Variants in GPR19 observed in about 807,000 individuals in gnomAD.
GPR19 encodes the protein probable G protein-coupled receptor 19.
In GPR19, 14 loss-of-function variants were observed where a neutral mutation model predicts 28.5. The ratio of observed to expected loss-of-function variants is 0.49; its 90% CI spans 0.32 to 0.77. GPR19 has a LOEUF of 0.77. Ranked by LOEUF, GPR19 falls within the 30% of genes least tolerant of loss-of-function variation. The probability of loss-of-function intolerance (pLI) is 0.03; values close to 1 mark genes in which losing one functional copy is unlikely to be tolerated. For synonymous variants in GPR19, 173 were observed against 184.1 expected, an observed-to-expected ratio of 0.94 and a Z score of 0.49; for missense variants, 409 against 504.1, an observed-to-expected ratio of 0.81 and a Z score of 1.81.
At chr12:12,663,187 T>A (rs966101882) in intron 3 of GPR19, among the ~76,000 whole-genome samples, 1 of 152,254 alleles carries the variant, frequency 6.6e-6, no homozygotes, top group Non-Finnish European at 1.5e-5. Context: ...TTGATGCTAT[T>A]CTGTTGTTAT....
intron 2 of GPR19, among the ~76,000 whole-genome samples, chr12:12,692,056 T>C (rs1006813601): frequency 6.6e-6 from 1 of 152,234 alleles, no homozygotes; most frequent in African/African-American, 2.4e-5. Flanking sequence ...ACTTGTTTCC[T>C]TAGATCTTGC....
the GPR19 span, among the ~76,000 whole-genome samples, chr12:12,710,224 G>A: frequency 1.3e-5 from 2 of 152,038 alleles, no homozygotes; most frequent in South Asian, 2.1e-4. Flanking sequence ...CTGGTGGCGC[G>A]CACCTCTAAT....
the GPR19 span, among the ~76,000 whole-genome samples, chr12:12,710,548 C>T: frequency 2.0e-5 from 3 of 152,010 alleles, no homozygotes; most frequent in East Asian, 3.9e-4. Flanking sequence ...CTCTTTTGCC[C>T]TCTTTTTATT....
the GPR19 span, among the ~76,000 whole-genome samples, chr12:12,702,611 G>GT: frequency 2.4e-4 from 37 of 151,654 alleles, no homozygotes; most frequent in South Asian, 2.1e-4. Context: ...GTGCCTTCTC[G>GT]TTTTTTTTCT....
intron 3 of GPR19, among the ~76,000 whole-genome samples, chr12:12,664,919 C>CAAAAAAAAAAAAAAAAAA (rs746346681): frequency 3.2e-5 from 1 of 31,110 alleles, no homozygotes; most frequent in Admixed American, 5.5e-4. Flanking sequence ...GACGCCATCT[C>CAAAAAAAAAAAAAAAAAA]AAAAAAAAAA....
the GPR19 span, chr12:12,716,613 G>GTTTT: frequency 8.9e-6 from 2 of 224,988 alleles, no homozygotes; most frequent in South Asian, 1.6e-4. Context: ...AGAGTTTTTT[G>GTTTT]TTTTTTTTTT....
intron 2 of GPR19, among the ~76,000 whole-genome samples, chr12:12,687,546 A>G (rs550444773): frequency 6.6e-6 from 1 of 152,204 alleles, no homozygotes; most frequent in Admixed American, 6.5e-5. Flanking sequence ...CTTTTCTTCC[A>G]TCTTACACAG....
At chr12:12,700,160 T>TC (rs879586761), upstream of GPR19, among the ~76,000 whole-genome samples, 1,931 of 33,796 alleles carry the variant, frequency 0.057, 22 homozygotes, top group South Asian at 0.21. Flanking sequence ...TCTCTCTTTC[T>TC]TTCTCTCTCT....
At chr12:12,673,558 T>C (rs1486211821) in intron 3 of GPR19, among the ~76,000 whole-genome samples, 1 of 152,204 alleles carries the variant, frequency 6.6e-6, no homozygotes, top group Non-Finnish European at 1.5e-5. Context: ...GGGTCTGGTT[T>C]TAGATGGAGT....
At chr12:12,680,379 G>A (rs1304480555) in intron 3 of GPR19, among the ~76,000 whole-genome samples, 1 of 152,224 alleles carries the variant, frequency 6.6e-6, no homozygotes, top group African/African-American at 2.4e-5. Context: ...AAACATGACA[G>A]ACATGCAGTG....
At chr12:12,698,667 A>G (rs1031058417), upstream of GPR19, among the ~76,000 whole-genome samples, 2 of 151,192 alleles carry the variant, frequency 1.3e-5, no homozygotes, top group Admixed American at 6.6e-5. Context: ...CTAGAGTGCC[A>G]TGGCTTGATC....
At chr12:12,667,353 A>G (rs1945797643) in intron 3 of GPR19, among the ~76,000 whole-genome samples, 2 of 152,102 alleles carry the variant, frequency 1.3e-5, no homozygotes, top group Admixed American at 1.3e-4. Context: ...CCAAGCTTTA[A>G]GATTAATACA....
At chr12:12,716,831 C>A in the GPR19 span, 7 of 985,040 alleles carry the variant, frequency 7.1e-6, no homozygotes, top group African/African-American at 1.2e-4. Flanking sequence ...AGCAAAGGCA[C>A]GCCGGCGGGG....
intron 3 of GPR19, among the ~76,000 whole-genome samples, chr12:12,678,073 C>CA (rs56014911): frequency 0.036 from 1,650 of 45,878 alleles, 146 homozygotes; most frequent in East Asian, 0.22. Flanking sequence ...GACTCTGTCT[C>CA]AAAAAAAAAA....
the GPR19 span, chr12:12,716,895 G>C: frequency 3.0e-6 from 3 of 984,800 alleles, no homozygotes; most frequent in African/African-American, 1.7e-5. Context: ...AGACCACGAG[G>C]TGGGGGCCGC....
the GPR19 span, among the ~76,000 whole-genome samples, chr12:12,713,736 T>C: frequency 2.0e-5 from 3 of 152,166 alleles, no homozygotes; most frequent in Non-Finnish European, 4.4e-5. Flanking sequence ...TTCATCATGT[T>C]GGCCAGGCTG....
chr12:12,673,689 T>C (rs1418960858), intron 3 of GPR19, among the ~76,000 whole-genome samples: 1 of 152,122 alleles, frequency 6.6e-6, no homozygotes, highest in Non-Finnish European at 1.5e-5. Context: ...AGGAATGAGC[T>C]TGTTATGTGG....
At chr12:12,681,594 T>A (rs1047038676) in intron 3 of GPR19, among the ~76,000 whole-genome samples, 1 of 152,174 alleles carries the variant, frequency 6.6e-6, no homozygotes, top group Non-Finnish European at 1.5e-5. Context: ...AAGCCCTGCA[T>A]GTGTGGGGGG....
the GPR19 span, among the ~76,000 whole-genome samples, chr12:12,713,769 T>C: frequency 6.6e-6 from 1 of 152,172 alleles, no homozygotes; most frequent in Non-Finnish European, 1.5e-5. Context: ...TGACATCAAG[T>C]GATCCACCTG....
Sources: gnomAD v4.1 joint callset for allele counts (sites outside exome capture counted in the v4.1 genomes callset) on GRCh38, gnomAD v4.1.1 for gene constraint, MANE v1.5 for transcripts, NCBI Gene and HGNC (gene_info 2026-07-23, HGNC 2026-07-21) for gene names.